The following MARCHF3 variants were observed in gnomAD, a reference collection of about 807,000 sequenced individuals.
MARCHF3 encodes E3 ubiquitin-protein ligase MARCHF3.
Under a neutral mutation model 24.2 loss-of-function variants are expected in MARCHF3, and 13 were observed. That is an observed-to-expected ratio of 0.54 (90% CI 0.35 to 0.85). MARCHF3 has a LOEUF of 0.85. MARCHF3 is among the 40% of genes least tolerant of loss of function. The probability of loss-of-function intolerance (pLI) is 0.01; values close to 1 mark genes in which losing one functional copy is unlikely to be tolerated. For missense variants in MARCHF3, 276 were observed against 325.0 expected (o/e 0.85, Z 1.16); for synonymous variants, 144 against 137.3 (o/e 1.05, Z -0.34).
At chr5:126,974,051 C>T (rs1003294806) in intron 1 of MARCHF3, among the ~76,000 whole-genome samples, 5 of 151,540 alleles carry the variant, frequency 3.3e-5, no homozygotes, top group Non-Finnish European at 5.9e-5. Context: ...GCGCCCGCCA[C>T]CGCGCCCGGC....
intron 1 of MARCHF3, among the ~76,000 whole-genome samples, chr5:126,948,520 G>A (rs1398715136): frequency 6.6e-6 from 1 of 152,190 alleles, no homozygotes; most frequent in Non-Finnish European, 1.5e-5. Context: ...CCACGGAGAA[G>A]CAATATGCTG....
At chr5:126,911,752 G>A (rs1754539149) in intron 3 of MARCHF3, among the ~76,000 whole-genome samples, 1 of 152,182 alleles carries the variant, frequency 6.6e-6, no homozygotes, top group Non-Finnish European at 1.5e-5. Context: ...TAGGGTAAAA[G>A]AGACTAAAAG....
At chr5:126,872,301 C>A (rs1056691892) in intron 4 of MARCHF3, among the ~76,000 whole-genome samples, 1 of 151,830 alleles carries the variant, frequency 6.6e-6, no homozygotes, top group African/African-American at 2.4e-5. Flanking sequence ...CTTAGGTGAT[C>A]CACCCACCTC....
chr5:126,878,030 A>G (rs1753222265), intron 4 of MARCHF3, among the ~76,000 whole-genome samples, 155 bp downstream of exon 4: 1 of 152,140 alleles, frequency 6.6e-6, no homozygotes, highest in South Asian at 2.1e-4. Flanking sequence ...ACACACACAC[A>G]TAGTCATAAA....
At chr5:126,955,060 G>A (rs1178025022) in intron 1 of MARCHF3, among the ~76,000 whole-genome samples, 1 of 152,076 alleles carries the variant, frequency 6.6e-6, no homozygotes, top group Non-Finnish European at 1.5e-5. Flanking sequence ...TTCGCCCAAC[G>A]CTGTTTCTGA....
chr5:126,953,786 T>G (rs2126817364), intron 1 of MARCHF3, among the ~76,000 whole-genome samples: 1 of 152,318 alleles, frequency 6.6e-6, no homozygotes, highest in African/African-American at 2.4e-5. Context: ...TTTAATTGCT[T>G]GTTCCTCCCC....
At chr5:126,985,479 T>A (rs954011462) in intron 1 of MARCHF3, among the ~76,000 whole-genome samples, 5 of 150,576 alleles carry the variant, frequency 3.3e-5, no homozygotes, top group Admixed American at 6.6e-5. Context: ...TTATTTTTTT[T>A]TTTTTTTTGA....
intron 1 of MARCHF3, among the ~76,000 whole-genome samples, chr5:127,000,143 C>T (rs559914258): frequency 6.6e-6 from 1 of 151,908 alleles, no homozygotes; most frequent in Non-Finnish European, 1.5e-5. Flanking sequence ...TATCATTTAA[C>T]CAACCTTCGT....
At chr5:126,972,486 G>T (rs529187651) in intron 1 of MARCHF3, among the ~76,000 whole-genome samples, 15 of 152,294 alleles carry the variant, frequency 9.8e-5, no homozygotes, top group African/African-American at 3.4e-4. Flanking sequence ...GAGGTGAGAT[G>T]AGGTCAATTA....
chr5:127,003,510 G>C (rs1752207170), intron 1 of MARCHF3, among the ~76,000 whole-genome samples: 1 of 151,828 alleles, frequency 6.6e-6, no homozygotes, highest in Non-Finnish European at 1.5e-5. Context: ...CCAGCACTTT[G>C]GGAGGCCGAA....
chr5:126,938,924 T>A (rs1749735214), intron 1 of MARCHF3, among the ~76,000 whole-genome samples: 1 of 152,226 alleles, frequency 6.6e-6, no homozygotes, highest in Non-Finnish European at 1.5e-5. Flanking sequence ...TTCCTTTTGC[T>A]ATTAAAATCA....
chr5:126,880,125 T>C (rs1038167290), intron 3 of MARCHF3, among the ~76,000 whole-genome samples: 1 of 151,910 alleles, frequency 6.6e-6, no homozygotes, highest in African/African-American at 2.4e-5. Context: ...GGAAAGAAGT[T>C]GAGGAAAGAG....
rs80052113 is a variant in MARCHF3, at chr5:126,927,719, C to A, written c.-56-9492G>T. ...GTTAGAAATGCCCACAGTGTGTCAG[C>A]TTACACAGAACATCCCCTTAAGTCA... On this transcript the variant is annotated intron_variant, in intron 1 of 4. Transcript: ENST00000308660. Among the ~76,000 whole-genome samples, 1,163 of 152,284 alleles carry A rather than the reference C, an allele frequency of 7.6e-3. 10 individuals carry two copies. The highest frequency in any genetic ancestry group is 0.027 in the African/African-American group (1,114 of 41,536).
At position 126,898,584 on chromosome 5, in the gene MARCHF3, C is replaced by T. The variant is rs895115439; in HGVS notation, c.393+16346G>A. ...AATGCAAAGAGCAAGCCTTTGGAAG[C>T]GGTGAATTGTAAGGAAGGGGCCGCC... On this transcript the variant is annotated intron_variant, in intron 3 of 4. Transcript: ENST00000308660. Among the ~76,000 whole-genome samples, 4 of 152,162 alleles carry T rather than the reference C, an allele frequency of 2.6e-5. No individual in the cohort carries two copies. In the East Asian group the frequency reaches 7.7e-4, roughly 29 times the overall value.
intron 3 of MARCHF3, among the ~76,000 whole-genome samples, chr5:126,913,728 A>T (rs894902476): frequency 6.6e-6 from 1 of 152,246 alleles, no homozygotes; most frequent in African/African-American, 2.4e-5. Context: ...GTCAAACCCA[A>T]GAGAATGTAT....
intron 1 of MARCHF3, chr5:127,030,059 A>T (rs1753129338): frequency 6.6e-6 from 1 of 152,182 alleles, no homozygotes; most frequent in South Asian, 2.1e-4. Context: ...CCAGCGCTCC[A>T]TGTCGTTGCC....
chr5:126,962,389 A>G (rs954694968), intron 1 of MARCHF3, among the ~76,000 whole-genome samples: 1 of 152,018 alleles, frequency 6.6e-6, no homozygotes, highest in Non-Finnish European at 1.5e-5. Context: ...CTTCCAGTCT[A>G]ATGTTCTATT....
At chr5:126,906,771 C>G (rs1214302581) in intron 3 of MARCHF3, among the ~76,000 whole-genome samples, 2 of 152,096 alleles carry the variant, frequency 1.3e-5, no homozygotes, top group Non-Finnish European at 2.9e-5. Context: ...AAAACCAGCT[C>G]CTGGATTCGT....
chr5:126,992,189 A>G (rs1404362962), intron 1 of MARCHF3, among the ~76,000 whole-genome samples: 8 of 152,346 alleles, frequency 5.3e-5, no homozygotes, highest in East Asian at 3.9e-4. Flanking sequence ...TTACCTGCAG[A>G]CAAATCTGTA....
Sources: gnomAD v4.1 joint callset for allele counts (sites outside exome capture counted in the v4.1 genomes callset) on GRCh38, gnomAD v4.1.1 for gene constraint, MANE v1.5 for transcripts, NCBI Gene and HGNC (gene_info 2026-07-23, HGNC 2026-07-21) for gene names.